Variants in TP63 observed in about 807,000 individuals in gnomAD.
The protein encoded by TP63 is tumor protein 63.
Under a neutral mutation model 82.8 loss-of-function variants are expected in TP63, and 17 were observed. The observed-to-expected ratio is 0.21, with a 90% CI of 0.14 to 0.31. The LOEUF is 0.31. Ranked by LOEUF, TP63 falls within the 10% of genes least tolerant of loss-of-function variation. The pLI is 1.00. For synonymous variants in TP63, 330 were observed against 321.7 expected, an observed-to-expected ratio of 1.03 and a Z score of -0.28; for missense variants, 648 against 895.3, an observed-to-expected ratio of 0.72 and a Z score of 3.52.
intron 1 of TP63, among the ~76,000 whole-genome samples, chr3:189,672,992 C>A (rs967404567): frequency 6.6e-6 from 1 of 152,002 alleles, no homozygotes; most frequent in Non-Finnish European, 1.5e-5. Flanking sequence ...AGACTCCTGC[C>A]ACCACGCCTG....
At chr3:189,693,782 G>A (rs1213581538) in intron 1 of TP63, among the ~76,000 whole-genome samples, 1 of 152,152 alleles carries the variant, frequency 6.6e-6, no homozygotes, top group Non-Finnish European at 1.5e-5. Context: ...TGCATTTGGA[G>A]CAGATTAACT....
At chr3:189,630,120 C>T (rs1437027508), upstream of TP63, among the ~76,000 whole-genome samples, 1 of 152,112 alleles carries the variant, frequency 6.6e-6, no homozygotes, top group African/African-American at 2.4e-5. Context: ...TTTTATGAAA[C>T]ACATTTTGAG....
At chr3:189,610,559 G>T in the TP63 span, among the ~76,000 whole-genome samples, 1 of 152,086 alleles carries the variant, frequency 6.6e-6, no homozygotes, top group African/African-American at 2.4e-5. Flanking sequence ...GGACCTTATT[G>T]TCCATGTCGT....
At chr3:189,628,825 G>A (rs148906111), upstream of TP63, among the ~76,000 whole-genome samples, 73 of 152,170 alleles carry the variant, frequency 4.8e-4, no homozygotes, top group Middle Eastern at 3.4e-3. Context: ...TCACTTGATC[G>A]TGTATGGTTG....
intron 3 of TP63, among the ~76,000 whole-genome samples, chr3:189,743,398 A>T (rs896490706): frequency 1.3e-5 from 2 of 152,166 alleles, no homozygotes; most frequent in African/African-American, 4.8e-5. Context: ...CAATTTGTCC[A>T]TTCTAATTTA....
chr3:189,889,288 C>T lies in TP63; in HGVS notation c.1508-52C>T, dbSNP rs375713688. 7 of 1,613,268 alleles carry T rather than the reference C, an allele frequency of 4.3e-6. No individual in the cohort carries two copies. In the African/African-American group the frequency reaches 6.7e-5, roughly 15 times the overall value. The stretch of plus-strand genomic sequence containing the variant: ...CCAGACAAGATGGACCACTGGGATG[C>T]TGGTACATGATGATGGCAGTAACCC... On this transcript the variant is annotated intron_variant, in intron 11 of 13. Transcript: ENST00000264731.
At chr3:189,700,126 T>A (rs1717689669) in intron 1 of TP63, among the ~76,000 whole-genome samples, 1 of 152,148 alleles carries the variant, frequency 6.6e-6, no homozygotes, top group South Asian at 2.1e-4. Flanking sequence ...AAAAGGTGGA[T>A]CAACAGGTTG....
intron 1 of TP63, among the ~76,000 whole-genome samples, chr3:189,660,649 G>A (rs1222842813): frequency 1.3e-5 from 2 of 151,902 alleles, no homozygotes; most frequent in African/African-American, 4.8e-5. Context: ...AGATTGATTT[G>A]GGCATTATGG....
intron 1 of TP63, among the ~76,000 whole-genome samples, chr3:189,636,027 G>T (rs1405131814): frequency 2.6e-5 from 4 of 152,038 alleles, no homozygotes; most frequent in Non-Finnish European, 4.4e-5. Flanking sequence ...GTCTGCATAT[G>T]TTGTTTATAC....
intron 13 of TP63, among the ~76,000 whole-genome samples, chr3:189,892,545 C>T (rs534728414): frequency 2.0e-5 from 3 of 152,228 alleles, no homozygotes; most frequent in Non-Finnish European, 4.4e-5. Flanking sequence ...GTAATCCCAG[C>T]ACTTTGGGAG....
chr3:189,893,232 A>G (rs2108870411), intron 13 of TP63, among the ~76,000 whole-genome samples: 1 of 152,336 alleles, frequency 6.6e-6, no homozygotes, highest in Middle Eastern at 3.4e-3. Flanking sequence ...TTTACCTATG[A>G]GTCTATAGCA....
chr3:189,842,541 G>A (rs1247609389), intron 4 of TP63, among the ~76,000 whole-genome samples: 1 of 152,176 alleles, frequency 6.6e-6, no homozygotes, highest in African/African-American at 2.4e-5. Flanking sequence ...ACAGATAATT[G>A]TGTCTTCCTG....
intron 3 of TP63, among the ~76,000 whole-genome samples, chr3:189,790,422 CAAAT>C (rs1366416125): frequency 1.3e-5 from 2 of 151,914 alleles, no homozygotes; most frequent in African/African-American, 2.4e-5. Context: ...CGTGTGATGA[CAAAT>C]AAAGTTATTT....
intron 1 of TP63, among the ~76,000 whole-genome samples, chr3:189,685,028 G>C (rs1204690673): frequency 6.6e-6 from 1 of 152,122 alleles, no homozygotes; most frequent in Admixed American, 6.6e-5. Flanking sequence ...GCAAAAGGAA[G>C]ACTACAAAGT....
chr3:189,663,116 C>T (rs1439954309), intron 1 of TP63, among the ~76,000 whole-genome samples: 1 of 152,054 alleles, frequency 6.6e-6, no homozygotes, highest in Non-Finnish European at 1.5e-5. Flanking sequence ...ATCCTCCGGT[C>T]TTACTGATGT....
At chr3:189,779,276 G>C (rs187055687) in intron 3 of TP63, among the ~76,000 whole-genome samples, 150 of 152,264 alleles carry the variant, frequency 9.9e-4, no homozygotes, top group African/African-American at 3.6e-3. Context: ...CATGATCAAT[G>C]CAGATAATGT....
intron 4 of TP63, among the ~76,000 whole-genome samples, chr3:189,848,883 T>G (rs1353730476): frequency 6.6e-6 from 1 of 152,204 alleles, no homozygotes; most frequent in African/African-American, 2.4e-5. Flanking sequence ...CTGCCTTTTT[T>G]GTATGCTAAT....
At chr3:189,650,151 T>G (rs950325302) in intron 1 of TP63, among the ~76,000 whole-genome samples, 7 of 146,284 alleles carry the variant, frequency 4.8e-5, no homozygotes, top group African/African-American at 1.8e-4. Flanking sequence ...GGGCATCTGG[T>G]TTTCACAGCA....
At chr3:189,854,148 A>G (rs1716001350) in intron 4 of TP63, among the ~76,000 whole-genome samples, 1 of 152,198 alleles carries the variant, frequency 6.6e-6, no homozygotes, top group South Asian at 2.1e-4. Flanking sequence ...ATGTTGTACA[A>G]ATGAGAAGAG....
Sources: allele counts gnomAD v4.1 joint callset (sites outside exome capture counted in the v4.1 genomes callset), GRCh38; gene constraint gnomAD v4.1.1; transcripts MANE v1.5; gene names NCBI Gene and HGNC (gene_info 2026-07-23, HGNC 2026-07-21).